PELO: variants seen among roughly 807,000 people sequenced by gnomAD.
PELO encodes the protein pelota mRNA surveillance and ribosome rescue factor.
Under a neutral mutation model 25.9 loss-of-function variants are expected in PELO, and 19 were observed. The ratio of observed to expected loss-of-function variants is 0.73; its 90% CI spans 0.51 to 1.08. The LOEUF is 1.08. Ranked by LOEUF, PELO falls within the 50% of genes least tolerant of loss-of-function variation. PELO has a pLI of 0.00. For missense variants in PELO, 498 were observed against 491.4 expected (o/e 1.01, Z -0.13); for synonymous variants, 196 against 192.2 (o/e 1.02, Z -0.16).
At chr5:52,790,422 T>C (rs1748215831) in intron 1 of PELO, among the ~76,000 whole-genome samples, 1 of 152,186 alleles carries the variant, frequency 6.6e-6, no homozygotes, top group Non-Finnish European at 1.5e-5. Context: ...AATTTACTAT[T>C]GTACAGTTCT....
chr5:52,789,045 G>A (rs1243326647), intron 1 of PELO, among the ~76,000 whole-genome samples: 1 of 152,202 alleles, frequency 6.6e-6, no homozygotes, highest in Non-Finnish European at 1.5e-5. Context: ...CTTTTAAGAT[G>A]CAAAATATAG....
At position 52,800,118 on chromosome 5, in the gene PELO, T is replaced by C. The variant is rs1342384897; in HGVS notation, c.-277T>C. ...TTCATTTCGTCAGCCCGCTGTTGCG[T>C]GCTGCCAGCGGGAACTGTGTAGGGG... On this transcript the variant is annotated 5_prime_UTR_variant, in exon 2 of 3. Transcript: ENST00000274311. 14 of 405,170 alleles carry C rather than the reference T, an allele frequency of 3.5e-5. No individual in the cohort carries two copies. The highest frequency in any genetic ancestry group is 6.3e-5 in the Non-Finnish European group (14 of 222,758). The allele number at this position is 405,170 out of a possible 1,614,324, so 25.1% of individuals were successfully genotyped here. A position where few individuals can be genotyped will look rare whatever the true frequency, so the allele number is the denominator to read the frequency against.
intron 1 of PELO, among the ~76,000 whole-genome samples, chr5:52,798,340 T>A (rs187687044): frequency 9.9e-5 from 15 of 152,262 alleles, no homozygotes; most frequent in African/African-American, 3.6e-4. Flanking sequence ...TATTAATAAG[T>A]AGTGGTTCTT....
At chr5:52,798,962 T>G (rs1486755070) in intron 1 of PELO, among the ~76,000 whole-genome samples, 9 of 152,182 alleles carry the variant, frequency 5.9e-5, no homozygotes, top group Non-Finnish European at 1.3e-4. Flanking sequence ...AACTTTTCCC[T>G]TTGGCTTAAT....
chr5:52,788,149 T>G lies in PELO; in HGVS notation c.-776T>G. The G allele has an allele frequency of 2.2e-6, 1 of 450,686 alleles. No individual in the cohort carries two copies. Among genetic ancestry groups the G allele is most frequent in the Non-Finnish European group, 3.9e-6 (1 of 253,306 alleles). The allele number at this position is 450,686 out of a possible 1,614,324, so 27.9% of individuals were successfully genotyped here. On this transcript the variant is annotated 5_prime_UTR_variant, in exon 1 of 3. An upstream start codon of the reference 5' UTR is lost. Transcript: ENST00000274311. ...GGGCGATGTGGCAATCCGTCTGGGA[T>G]GTGAAAAGCGTGGAGCGCATTTAGA... is the stretch of plus-strand genomic sequence containing the variant.
In PELO at chr5:52,788,323, G is replaced by GC. The variant is rs1748165045; in HGVS notation, c.-601dup. On this transcript the variant is annotated 5_prime_UTR_variant, in exon 1 of 3. Transcript: ENST00000274311. Reference sequence around the variant, plus strand: ...GCCCGGTCCTGCCCTGCGAACCAGCGCGGCCCCCTGGCGCTGAGGCTGCTC... The same window carrying GC: ...GCCCGGTCCTGCCCTGCGAACCAGCGCCGGCCCCCTGGCGCTGAGGCTGCTC... The GC allele has an allele frequency of 6.7e-7, 1 of 1,487,814 alleles. No homozygotes were observed. The highest frequency in any genetic ancestry group is 2.2e-5 in the Admixed American group (1 of 45,202). 92.2% of individuals were successfully genotyped at this position (1,487,814 alleles called of 1,614,324 possible).
intron 1 of PELO, among the ~76,000 whole-genome samples, chr5:52,797,298 T>C (rs769991887): frequency 6.6e-6 from 1 of 151,992 alleles, no homozygotes; most frequent in Non-Finnish European, 1.5e-5. Flanking sequence ...TGGCCCAAAG[T>C]GGTTTGCCTC....
intron 2 of PELO, 23 bp downstream of exon 2, chr5:52,801,143 T>C (rs372365242): frequency 1.3e-6 from 2 of 1,570,304 alleles, no homozygotes; most frequent in African/African-American, 2.7e-5. Flanking sequence ...TACCCAGGGA[T>C]AATTAAGAAT....
At position 52,800,014 on chromosome 5, in the gene PELO, C is replaced by A. The variant is rs895164104; in HGVS notation, c.-381C>A. On this transcript the variant is annotated 5_prime_UTR_variant, in exon 2 of 3. Coordinates refer to ENST00000274311, the MANE Select transcript of PELO (RefSeq NM_015946.5). ...CCTCACAGCTTAGTGCGCCTGCGCA[C>A]GCGCGAACTGCGGCCCCGCCTCTCC... 3.2e-5 allele frequency: 9 copies of A among 279,490 alleles called. 1 individual carries two copies. The South Asian group carries it at 3.5e-4, about 11-fold the overall frequency. The allele number at this position is 279,490 out of a possible 1,614,324, so 17.3% of individuals were successfully genotyped here.
chr5:52,791,677 T>G (rs2111640845), intron 1 of PELO, among the ~76,000 whole-genome samples: 1 of 152,310 alleles, frequency 6.6e-6, no homozygotes, highest in South Asian at 2.1e-4. Flanking sequence ...TTCATTTTAA[T>G]CTAAAAAATT....
At chr5:52,797,711 A>G (rs1748372589) in intron 1 of PELO, among the ~76,000 whole-genome samples, 1 of 152,176 alleles carries the variant, frequency 6.6e-6, no homozygotes, top group Non-Finnish European at 1.5e-5. Context: ...GTATGGAGTT[A>G]TGCAGGCCTG....
At chr5:52,801,181 C>T in intron 2 of PELO, 61 bp downstream of exon 2, 7 of 1,469,826 alleles carry the variant, frequency 4.8e-6, no homozygotes, top group Non-Finnish European at 6.4e-6. Flanking sequence ...TAAACTACTC[C>T]TAAAGTTTTA....
rs1282926902 is a variant in PELO at position 52,802,012 on chromosome 5, CAATA to C, written c.*175_*178del. 2.2e-5 allele frequency: 12 copies of C among 550,490 alleles called. No homozygotes were observed. Among genetic ancestry groups the C allele is most frequent in the Non-Finnish European group, 3.8e-5 (12 of 312,332 alleles). The allele number at this position is 550,490 out of a possible 1,614,324, so 34.1% of individuals were successfully genotyped here. On this transcript the variant is annotated 3_prime_UTR_variant, in exon 3 of 3. Coordinates refer to ENST00000274311, the MANE Select transcript of PELO (RefSeq NM_015946.5). ...GTGATTGGCAAGACATGTATTTAAA[CAATA>C]AACTAAAAGGAAATAATCTCCACGT... is the stretch of plus-strand genomic sequence containing the variant.
At chr5:52,799,125 G>A (rs1748402134) in intron 1 of PELO, among the ~76,000 whole-genome samples, 1 of 152,166 alleles carries the variant, frequency 6.6e-6, no homozygotes, top group Non-Finnish European at 1.5e-5. Context: ...AGCTATGTGT[G>A]CAGGACTTCT....
At position 52,801,665 on chromosome 5, in the gene PELO, G is replaced by A. The variant is rs765748225; in HGVS notation, c.983G>A (p.Arg328Gln). 1.5e-5 allele frequency: 24 copies of A among 1,614,120 alleles called. 1 individual carries two copies. In the South Asian group the frequency reaches 2.4e-4, roughly 16 times the overall value. Reference sequence around the variant, plus strand: ...CATCAGGATGTAGCCACACGGAGCCGGTATGTGAGGCTGGTGGACAGTGTG... The same window carrying A: ...CATCAGGATGTAGCCACACGGAGCCAGTATGTGAGGCTGGTGGACAGTGTG... ...FRHQDVATRSRYVRLVDSVKE... is the reference protein window; with the variant it reads ...FRHQDVATRSQYVRLVDSVKE... Residue 328 changes from arginine (R) to glutamine (Q), a missense_variant, in exon 3 of 3, where the codon CGG (arginine) becomes CAG (glutamine). Physicochemically the swap from Arg to Gln is conservative, Grantham distance 43 (BLOSUM62 1). Coordinates refer to ENST00000274311, the MANE Select transcript of PELO (RefSeq NM_015946.5).
At chr5:52,793,882 A>G (rs1487495881) in intron 1 of PELO, among the ~76,000 whole-genome samples, 2 of 152,044 alleles carry the variant, frequency 1.3e-5, no homozygotes, top group Non-Finnish European at 2.9e-5. Flanking sequence ...GCACAGGATT[A>G]ATGACTCTAG....
chr5:52,800,731 G>T lies in PELO; in HGVS notation c.337G>T (p.Ala113Ser), dbSNP rs1466504701. The T allele has an allele frequency of 1.2e-6, 2 of 1,614,108 alleles. No homozygotes were observed. The highest frequency in any genetic ancestry group is 1.3e-5 in the African/African-American group (1 of 74,944). ...GGAGCCCAACCGCCAGTTCACCCTG[G>T]CCAAGAAGCAGTGGGATAGTGTGGT... is the stretch of plus-strand genomic sequence containing the variant. ...ELEPNRQFTL[A>S]KKQWDSVVLE... Residue 113 changes from alanine (A) to serine (S), a missense_variant, in exon 2 of 3, where the codon GCC becomes TCC. By Grantham distance (99) the Ala-to-Ser change is moderately conservative (BLOSUM62 1). Coordinates refer to ENST00000274311, the MANE Select transcript of PELO (RefSeq NM_015946.5).
chr5:52,800,450 T>C lies in PELO; in HGVS notation c.56T>C (p.Val19Ala), dbSNP rs763082521. The change falls in exon 2 of 3, where the codon GTC becomes GCC. Residue 19 changes from valine to alanine, a missense_variant. Physicochemically the swap from Val to Ala is moderately conservative, Grantham distance 64. Coordinates refer to ENST00000274311, the MANE Select transcript of PELO (RefSeq NM_015946.5). ...GACAATGCGGGCCAGGTGACCCTGG[T>C]CCCCGAGGAGCCTGAGGACATGTGG... The part of the protein sequence containing the change: ...EKDNAGQVTL[V>A]PEEPEDMWHT... 3.0e-5 allele frequency: 48 copies of C among 1,613,756 alleles called. No individual in the cohort carries two copies. Among genetic ancestry groups the C allele is most frequent in the Non-Finnish European group, 3.9e-5 (46 of 1,179,954 alleles).
chr5:52,795,923 G>T (rs1748332931), intron 1 of PELO, among the ~76,000 whole-genome samples: 1 of 151,856 alleles, frequency 6.6e-6, no homozygotes, highest in Non-Finnish European at 1.5e-5. Flanking sequence ...CCATATTTGA[G>T]GTCTGCCAAT....
Sources: gnomAD v4.1 joint callset for allele counts (sites outside exome capture counted in the v4.1 genomes callset) on GRCh38, gnomAD v4.1.1 for gene constraint, MANE v1.5 for transcripts, NCBI Gene and HGNC (gene_info 2026-07-23, HGNC 2026-07-21) for gene names.